Variants in UBTD2 observed in about 807,000 individuals in gnomAD.
The protein encoded by UBTD2 is ubiquitin domain-containing protein 2.
UBTD2 carries 9 observed loss-of-function variants against 19.8 expected under a neutral mutation model. That is an observed-to-expected ratio of 0.46 (90% confidence interval 0.27 to 0.79). The LOEUF is 0.79. Ranked by LOEUF, UBTD2 falls within the 30% of genes least tolerant of loss-of-function variation. The pLI is 0.14. For missense variants in UBTD2, 250 were observed against 300.4 expected (o/e 0.83, Z 1.24); for synonymous variants, 98 against 103.9 (o/e 0.94, Z 0.35).
At chr5:172,216,591 CAAAAAA>C (rs57657254) in intron 2 of UBTD2, among the ~76,000 whole-genome samples, 1 of 36,924 alleles carries the variant, frequency 2.7e-5, no homozygotes, top group East Asian at 6.5e-4. Flanking sequence ...CATCTCTACC[CAAAAAA>C]AAAAAAAAAA....
At chr5:172,227,209 T>C (rs1771786707) in intron 2 of UBTD2, among the ~76,000 whole-genome samples, 1 of 152,174 alleles carries the variant, frequency 6.6e-6, no homozygotes, top group African/African-American at 2.4e-5. Flanking sequence ...GAGACAAGCC[T>C]TCTGACTCAG....
chr5:172,273,861 T>C (rs1200733199), intron 1 of UBTD2, among the ~76,000 whole-genome samples: 1 of 152,132 alleles, frequency 6.6e-6, no homozygotes, highest in Non-Finnish European at 1.5e-5. Context: ...AGAGTACCAC[T>C]GTATTTTCAA....
At chr5:172,214,536 T>C (rs1771507116) in intron 2 of UBTD2, among the ~76,000 whole-genome samples, 1 of 152,196 alleles carries the variant, frequency 6.6e-6, no homozygotes, top group Non-Finnish European at 1.5e-5. Flanking sequence ...CCTTCTGCCC[T>C]TCATCCCAGT....
intron 2 of UBTD2, among the ~76,000 whole-genome samples, chr5:172,218,226 A>G (rs1581208602): frequency 6.6e-6 from 1 of 152,364 alleles, no homozygotes; most frequent in East Asian, 1.9e-4. Context: ...ACATTTCTAA[A>G]TAACACATGG....
chr5:172,283,612 G>A lies in UBTD2; in HGVS notation c.54C>T (p.Asn18=), dbSNP rs1329884592. The change falls in exon 1 of 3, where the codon AAC becomes AAT. Residue 18 remains asparagine, a synonymous_variant. Transcript: ENST00000393792. This position sits in a 1 kb window ranked among gnomAD's most constrained non-coding sequence, Gnocchi z 4.3. ...CTCACCTACCTCCGGTGCCCTCCGA[G>A]TTCTCGTTGAGGCTGCCCGAGGAGT... is the stretch of plus-strand genomic sequence containing the variant. ...QHDSSGSLNE[N]SEGTGVALGR... 1 of 1,307,382 alleles carries A rather than the reference G, an allele frequency of 7.6e-7. No individual in the cohort carries two copies. The highest frequency in any genetic ancestry group is 1.5e-5 in the African/African-American group (1 of 65,558). The allele number at this position is 1,307,382 out of a possible 1,614,324, so 81.0% of individuals were successfully genotyped here. A position where few individuals can be genotyped will look rare whatever the true frequency, so the allele number is the denominator to read the frequency against.
At chr5:172,227,869 C>T (rs796201408) in intron 2 of UBTD2, among the ~76,000 whole-genome samples, 94 of 150,938 alleles carry the variant, frequency 6.2e-4, no homozygotes, top group African/African-American at 2.2e-3. Flanking sequence ...TTAGTAGAGA[C>T]GGGGTTTCGC....
intron 1 of UBTD2, among the ~76,000 whole-genome samples, chr5:172,272,248 T>C (rs1188053862): frequency 6.6e-6 from 1 of 152,214 alleles, no homozygotes; most frequent in African/African-American, 2.4e-5. Flanking sequence ...CATGTCAAAG[T>C]AGCTGATGCA....
rs567652389 is a variant in UBTD2 at position 172,241,637 on chromosome 5, G to A, written c.71-7279C>T. Among the ~76,000 whole-genome samples the A allele has an allele frequency of 2.6e-5, 4 of 152,096 alleles. No homozygotes were observed. The East Asian group carries it at 7.7e-4, about 29-fold the overall frequency. On this transcript the variant is annotated intron_variant, in intron 1 of 2. Coordinates refer to ENST00000393792, the MANE Select transcript of UBTD2 (RefSeq NM_152277.3). The stretch of plus-strand genomic sequence containing the variant: ...ATAGTTTGATATCTGGTAGGGCCAG[G>A]TATTACAAAACCTCTATAATTGAAA...
chr5:172,261,735 G>A (rs1447413088), intron 1 of UBTD2, among the ~76,000 whole-genome samples: 2 of 151,736 alleles, frequency 1.3e-5, no homozygotes, highest in Non-Finnish European at 2.9e-5. Context: ...AGTGATTCTC[G>A]TGCCTTAGCC....
At chr5:172,230,502 A>G (rs1383079607) in intron 2 of UBTD2, among the ~76,000 whole-genome samples, 1 of 146,646 alleles carries the variant, frequency 6.8e-6, no homozygotes, top group African/African-American at 2.6e-5. Flanking sequence ...TACATGTATT[A>G]TTATTACATT....
intron 2 of UBTD2, among the ~76,000 whole-genome samples, chr5:172,217,572 C>T (rs201060267): frequency 6.6e-6 from 1 of 152,146 alleles, no homozygotes; most frequent in East Asian, 1.9e-4. Flanking sequence ...CAGCCTTGAA[C>T]TCCTTGGCTC....
At position 172,283,002 on chromosome 5, in the gene UBTD2, G is replaced by A. The variant is rs867620793; in HGVS notation, c.70+594C>T. Among the ~76,000 whole-genome samples, 3 of 152,218 alleles carry A rather than the reference G, an allele frequency of 2.0e-5. No individual in the cohort carries two copies. Among genetic ancestry groups the A allele is most frequent in the Middle Eastern group, 3.4e-3 (1 of 294 alleles). On this transcript the variant is annotated intron_variant, in intron 1 of 2. Coordinates refer to ENST00000393792, the MANE Select transcript of UBTD2 (RefSeq NM_152277.3). This position sits in a 1 kb window ranked among gnomAD's most constrained non-coding sequence, Gnocchi z 4.3. ...CTAGCTAGGAGCCACGTTTTACCCG[G>A]GAAGACCGTTTCCCCACCCCTCCTT...
intron 2 of UBTD2, among the ~76,000 whole-genome samples, chr5:172,221,656 GA>G (rs1165587079): frequency 6.6e-6 from 1 of 152,152 alleles, no homozygotes. Flanking sequence ...GCAAAACTAT[GA>G]AGACAATAAA....
At chr5:172,253,122 TG>T (rs1755062260) in intron 1 of UBTD2, among the ~76,000 whole-genome samples, 1 of 152,134 alleles carries the variant, frequency 6.6e-6, no homozygotes, top group East Asian at 1.9e-4. Context: ...CTCAAACTCC[TG>T]GGCTCAAGTG....
chr5:172,280,496 C>A, intron 1 of UBTD2, among the ~76,000 whole-genome samples: 1 of 115,496 alleles, frequency 8.7e-6, no homozygotes. Context: ...GGCGACAGAG[C>A]AAGACTCCAT....
At chr5:172,232,008 C>T (rs759682272) in intron 2 of UBTD2, among the ~76,000 whole-genome samples, 5 of 152,170 alleles carry the variant, frequency 3.3e-5, no homozygotes, top group Non-Finnish European at 5.9e-5. Flanking sequence ...CAGTGGTTCA[C>T]GCCTGTAATC....
rs889771166 is a variant in UBTD2 at position 172,232,697 on chromosome 5, AAAAAC to A, written c.307+1420_307+1424del. Among the ~76,000 whole-genome samples, 8 of 152,186 alleles carry A rather than the reference AAAAAC, an allele frequency of 5.3e-5. No individual in the cohort carries two copies. In the East Asian group the frequency reaches 5.8e-4, roughly 11 times the overall value. On this transcript the variant is annotated intron_variant, in intron 2 of 2. Coordinates refer to ENST00000393792, the MANE Select transcript of UBTD2 (RefSeq NM_152277.3). ...CAACATAGTGAGACCATGCCTCTCC[AAAAAC>A]AAAACAAAACAAAACAAAAAAACAA...
At chr5:172,267,206 T>C (rs1219932035) in intron 1 of UBTD2, among the ~76,000 whole-genome samples, 1 of 152,130 alleles carries the variant, frequency 6.6e-6, no homozygotes, top group Non-Finnish European at 1.5e-5. Context: ...AGAACTATAA[T>C]AAAAAGTTCC....
At chr5:172,229,905 A>G (rs926578761) in intron 2 of UBTD2, among the ~76,000 whole-genome samples, 10 of 152,296 alleles carry the variant, frequency 6.6e-5, no homozygotes, top group African/African-American at 2.4e-4. Flanking sequence ...CTGGTAAACT[A>G]CTATATTAAG....
Sources: allele counts gnomAD v4.1 joint callset (sites outside exome capture counted in the v4.1 genomes callset), GRCh38; gene constraint gnomAD v4.1.1; non-coding constraint Gnocchi (gnomAD v3.1); transcripts MANE v1.5; gene names NCBI Gene and HGNC (gene_info 2026-07-23, HGNC 2026-07-21).